The following COBL variants were observed in gnomAD, a reference collection of about 807,000 sequenced individuals.
COBL encodes cordon-bleu WH2 repeat protein.
A neutral mutation model predicts 98.8 loss-of-function variants in COBL; 51 were observed. The observed-to-expected ratio is 0.52, with a 90% confidence interval of 0.41 to 0.65. COBL has a LOEUF of 0.65. COBL is among the 30% of genes least tolerant of loss of function. The pLI is 0.00. For missense variants in COBL, 1,617 were observed against 1,617.5 expected, an observed-to-expected ratio of 1.00 and a Z score of 0.01; for synonymous variants, 634 against 651.7, an observed-to-expected ratio of 0.97 and a Z score of 0.41.
intron 7 of COBL, among the ~76,000 whole-genome samples, chr7:51,078,910 C>T (rs73118431): frequency 0.019 from 2,831 of 152,350 alleles, 37 homozygotes; most frequent in Non-Finnish European, 0.028. Flanking sequence ...CAGCTCACAG[C>T]GTGGTGGCTG....
At position 51,082,236 on chromosome 7, in the gene COBL, G is replaced by A. The variant is rs548962705; in HGVS notation, c.1096+2930C>T. 5.3e-5 allele frequency among the ~76,000 whole-genome samples: 8 copies of A among 152,286 alleles called. No individual in the cohort carries two copies. In the East Asian group the frequency reaches 9.7e-4, roughly 18 times the overall value. Reference sequence around the variant, plus strand: ...GTGGGCACCAGCAGGGCTCCTGGCCGCATGCACAGTGATATTGCGCTGCTC... The same window carrying A: ...GTGGGCACCAGCAGGGCTCCTGGCCACATGCACAGTGATATTGCGCTGCTC... On this transcript the variant is annotated intron_variant, in intron 7 of 12. Transcript: ENST00000265136.
intron 7 of COBL, among the ~76,000 whole-genome samples, chr7:51,067,278 C>T (rs1363464198): frequency 6.6e-6 from 1 of 152,180 alleles, no homozygotes; most frequent in Admixed American, 6.5e-5. Context: ...ACACAAGTTA[C>T]AAATGTATAT....
At chr7:51,143,696 A>T (rs569753118) in intron 5 of COBL, among the ~76,000 whole-genome samples, 1 of 152,374 alleles carries the variant, frequency 6.6e-6, no homozygotes, top group Admixed American at 6.5e-5. Context: ...GATTGTTTCT[A>T]AAACGTGTAC....
Position 51,309,140 on chromosome 7 carries a change from G to A in COBL, c.41+7453C>T, listed in dbSNP as rs150143897. ...CAGGAGTCATAAATGCAATCACAAC[G>A]GCTAAGATCTCTGATCCCCCCTGCC... On this transcript the variant is annotated intron_variant, in intron 1 of 12. Coordinates refer to ENST00000265136, the MANE Select transcript of COBL (RefSeq NM_015198.5). Among the ~76,000 whole-genome samples the A allele has an allele frequency of 3.4e-3, 514 of 152,232 alleles. 3 individuals are homozygous for A. The highest frequency in any genetic ancestry group is 5.9e-3 in the Non-Finnish European group (399 of 68,020).
chr7:51,023,360 C>T (rs908144665), intron 12 of COBL, among the ~76,000 whole-genome samples: 1 of 152,212 alleles, frequency 6.6e-6, no homozygotes, highest in African/African-American at 2.4e-5. Context: ...TATCCCTTGC[C>T]ATCTGGGTAA....
chr7:51,098,299 A>C (rs572442346), intron 6 of COBL, among the ~76,000 whole-genome samples: 1 of 147,578 alleles, frequency 6.8e-6, no homozygotes, highest in South Asian at 2.1e-4. Flanking sequence ...CCAAATAACC[A>C]AAGCAATCTT....
At chr7:51,230,351 C>A (rs1012388043) in intron 1 of COBL, among the ~76,000 whole-genome samples, 7 of 152,300 alleles carry the variant, frequency 4.6e-5, no homozygotes, top group African/African-American at 1.7e-4. Flanking sequence ...GCCAAGGTTT[C>A]TACCTCATTG....
intron 7 of COBL, among the ~76,000 whole-genome samples, chr7:51,076,699 T>A (rs1028948083): frequency 6.6e-6 from 1 of 152,038 alleles, no homozygotes; most frequent in African/African-American, 2.4e-5. Context: ...CTAGAAATAG[T>A]ATCCCTTGTT....
intron 1 of COBL, among the ~76,000 whole-genome samples, chr7:51,286,025 G>A (rs545636064): frequency 5.9e-5 from 9 of 152,132 alleles, no homozygotes; most frequent in African/African-American, 2.2e-4. Context: ...TATAACAATT[G>A]GATACCCTAT....
chr7:51,219,237 A>G (rs944326603), intron 2 of COBL, among the ~76,000 whole-genome samples: 6 of 152,186 alleles, frequency 3.9e-5, no homozygotes, highest in African/African-American at 1.4e-4. Context: ...GAAATCCATG[A>G]TTGGGTTGGT....
intron 1 of COBL, among the ~76,000 whole-genome samples, chr7:51,309,290 G>T (rs1457378322): frequency 6.6e-6 from 1 of 152,090 alleles, no homozygotes; most frequent in African/African-American, 2.4e-5. Flanking sequence ...CTCAGGCCAG[G>T]CTGGAACAGA....
chr7:51,068,003 C>A (rs761305199), intron 7 of COBL, among the ~76,000 whole-genome samples: 1 of 152,198 alleles, frequency 6.6e-6, no homozygotes, highest in Non-Finnish European at 1.5e-5. Context: ...AAGACAGATG[C>A]TGCCCTGGTG....
intron 1 of COBL, among the ~76,000 whole-genome samples, chr7:51,230,280 G>A (rs952422631): frequency 6.6e-6 from 1 of 152,080 alleles, no homozygotes; most frequent in African/African-American, 2.4e-5. Flanking sequence ...ACCCAATGAA[G>A]AGCTCTCCGG....
chr7:51,157,448 G>T (rs1460252879), intron 5 of COBL, among the ~76,000 whole-genome samples: 8 of 152,190 alleles, frequency 5.3e-5, no homozygotes, highest in Non-Finnish European at 8.8e-5. Flanking sequence ...GTTCCTTGGT[G>T]TCTTCTGAGG....
At chr7:51,136,051 G>C in intron 6 of COBL, 107 bp downstream of exon 6, 2 of 1,384,594 alleles carry the variant, frequency 1.4e-6, no homozygotes, top group Non-Finnish European at 2.0e-6. Flanking sequence ...CACTCCAGTC[G>C]CTACAGCCAC....
chr7:51,175,060 G>A (rs2129046185), intron 5 of COBL, among the ~76,000 whole-genome samples: 1 of 152,322 alleles, frequency 6.6e-6, no homozygotes. Context: ...ACCACCCTAT[G>A]ATTTTCACCT....
At chr7:51,316,239 C>T in intron 1 of COBL, 1 of 198,896 alleles carries the variant, frequency 5.0e-6, no homozygotes, top group Non-Finnish European at 1.0e-5. Flanking sequence ...CCCGCTCCAC[C>T]CCTACGGCAA....
chr7:51,180,374 C>T (rs1400224913), intron 5 of COBL, among the ~76,000 whole-genome samples: 5 of 152,078 alleles, frequency 3.3e-5, no homozygotes, highest in Admixed American at 6.5e-5. Context: ...TTTGAGATCT[C>T]GAGAAGAAAG....
At chr7:51,263,327 T>A (rs968096524) in intron 1 of COBL, among the ~76,000 whole-genome samples, 4 of 152,090 alleles carry the variant, frequency 2.6e-5, no homozygotes, top group Non-Finnish European at 4.4e-5. Flanking sequence ...CACTCCCACG[T>A]GTGAGAAGGA....
Sources: gnomAD v4.1 joint callset for allele counts (sites outside exome capture counted in the v4.1 genomes callset) on GRCh38, gnomAD v4.1.1 for gene constraint, MANE v1.5 for transcripts, NCBI Gene and HGNC (gene_info 2026-07-23, HGNC 2026-07-21) for gene names.